The following ZNF793 variants were observed in gnomAD, a reference collection of about 807,000 sequenced individuals.
ZNF793 encodes zinc finger protein 793.
A neutral mutation model predicts 12.4 loss-of-function variants in ZNF793; 5 were observed. That is an observed-to-expected ratio of 0.40 (90% CI 0.21 to 0.84). The LOEUF is 0.84. Ranked by LOEUF, ZNF793 falls within the 40% of genes least tolerant of loss-of-function variation. The pLI is 0.35. For synonymous variants in ZNF793, 162 were observed against 172.4 expected (o/e 0.94, Z 0.47); for missense variants, 456 against 495.0 (o/e 0.92, Z 0.75).
intron 3 of ZNF793, among the ~76,000 whole-genome samples, chr19:37,520,534 C>T (rs934036704): frequency 6.6e-6 from 1 of 152,182 alleles, no homozygotes; most frequent in South Asian, 2.1e-4. Context: ...TTTCCAGGGA[C>T]TCTCCATGGC....
chr19:37,524,122 C>G (rs1010568508), intron 5 of ZNF793, among the ~76,000 whole-genome samples: 1 of 149,978 alleles, frequency 6.7e-6, no homozygotes, highest in African/African-American at 2.5e-5. Flanking sequence ...TGCACTCCAG[C>G]CTGGGCAACA....
At chr19:37,524,992 A>T (rs1221304858) in intron 5 of ZNF793, among the ~76,000 whole-genome samples, 1 of 152,192 alleles carries the variant, frequency 6.6e-6, no homozygotes, top group Non-Finnish European at 1.5e-5. Context: ...CTAGCTCCCC[A>T]ATGATACGAC....
At chr19:37,523,326 T>G in intron 4 of ZNF793, 84 bp from the exon 5 acceptor site, 1 of 1,065,898 alleles carries the variant, frequency 9.4e-7, no homozygotes, top group South Asian at 1.3e-5. Flanking sequence ...AAAGGGAATT[T>G]GCAATTTCCA....
chr19:37,532,909 A>C (rs1055992049), intron 6 of ZNF793, among the ~76,000 whole-genome samples: 1 of 152,194 alleles, frequency 6.6e-6, no homozygotes, highest in African/African-American at 2.4e-5. Context: ...TATGTGCCAG[A>C]AATTGTTTTA....
chr19:37,530,675 A>G (rs183339533), intron 5 of ZNF793, among the ~76,000 whole-genome samples: 3 of 152,338 alleles, frequency 2.0e-5, no homozygotes, highest in Admixed American at 2.0e-4. Context: ...TCAAGGCAGA[A>G]GAATTTTTCT....
rs370750926 is a variant in ZNF793, at chr19:37,512,930, A to AT, written c.-276+4536dup. ...TTTAATTTGGAGTATGTTCTCGGTC[A>AT]TTTTTTTTTACCTCTTTTAACTTTG... On this transcript the variant is annotated intron_variant, in intron 2 of 7. Transcript: ENST00000627814. Among the ~76,000 whole-genome samples the AT allele has an allele frequency of 3.3e-3, 503 of 150,862 alleles. 2 individuals are homozygous for AT. Among genetic ancestry groups the AT allele is most frequent in the African/African-American group, 0.011 (468 of 41,138 alleles).
intron 3 of ZNF793, among the ~76,000 whole-genome samples, chr19:37,521,788 AAAAG>A (rs1266342065): frequency 6.6e-6 from 1 of 152,154 alleles, no homozygotes; most frequent in Non-Finnish European, 1.5e-5. Flanking sequence ...TTTTCCAAAA[AAAAG>A]CAAGAATATT....
intron 1 of ZNF793, among the ~76,000 whole-genome samples, 157 bp from the exon 2 acceptor site, chr19:37,508,106 CTT>C (rs1360110690): frequency 6.6e-6 from 1 of 152,168 alleles, no homozygotes; most frequent in Non-Finnish European, 1.5e-5. Flanking sequence ...TCTGAAAACT[CTT>C]TTTTGAACCC....
chr19:37,512,527 T>C (rs1228085113), intron 2 of ZNF793, among the ~76,000 whole-genome samples: 1 of 151,740 alleles, frequency 6.6e-6, no homozygotes, highest in Non-Finnish European at 1.5e-5. Flanking sequence ...ATAATAATAA[T>C]ACTAACAATA....
chr19:37,509,231 C>T lies in ZNF793; in HGVS notation c.-276+828C>T, dbSNP rs75799969. 3.3e-3 allele frequency among the ~76,000 whole-genome samples: 507 copies of T among 152,258 alleles called. 4 individuals carry two copies. Among genetic ancestry groups the T allele is most frequent in the African/African-American group, 0.011 (467 of 41,554 alleles). ...ATCTGATAATTTCTCATCCCTTACCCGCTTCCTACCCTCCCTCCATTCAGA... is the reference window on the plus strand; with the variant it reads ...ATCTGATAATTTCTCATCCCTTACCTGCTTCCTACCCTCCCTCCATTCAGA... On this transcript the variant is annotated intron_variant, in intron 2 of 7. Transcript: ENST00000627814.
intron 5 of ZNF793, among the ~76,000 whole-genome samples, chr19:37,524,748 C>T: frequency 6.6e-6 from 1 of 152,178 alleles, no homozygotes; most frequent in East Asian, 1.9e-4. Flanking sequence ...GCAGGCTCCG[C>T]CCCTGGCCTG....
chr19:37,537,549 C>A lies in ZNF793; in HGVS notation c.891C>A (p.His297Gln), dbSNP rs1231530287. 1.9e-6 allele frequency: 3 copies of A among 1,614,056 alleles called. No homozygotes were observed. The highest frequency in any genetic ancestry group is 2.5e-6 in the Non-Finnish European group (3 of 1,180,030). ...GGAAAGCCTTTACCCAGAAGTCACA[C>A]CGCACAGAACATCAGAGAACACACA... ...FCGKAFTQKS[H>Q]RTEHQRTHTG... Residue 297 changes from histidine to glutamine, a missense_variant, in exon 8 of 8, where the codon CAC becomes CAA. His to Gln is a conservative substitution (Grantham distance 24, BLOSUM62 0). Coordinates refer to ENST00000627814, the MANE Select transcript of ZNF793 (RefSeq NM_001013659.3).
intron 2 of ZNF793, among the ~76,000 whole-genome samples, chr19:37,512,955 G>C (rs2042305044): frequency 6.6e-6 from 1 of 151,544 alleles, no homozygotes; most frequent in African/African-American, 2.4e-5. Context: ...TTTTAACTTT[G>C]ACATGTATGA....
At chr19:37,507,545 G>A (rs1214069548) in intron 1 of ZNF793, among the ~76,000 whole-genome samples, 1 of 152,196 alleles carries the variant, frequency 6.6e-6, no homozygotes, top group South Asian at 2.1e-4. Flanking sequence ...CGGTGATTGA[G>A]ACTTACTTCA....
intron 5 of ZNF793, among the ~76,000 whole-genome samples, chr19:37,530,022 C>T (rs1040820963): frequency 1.1e-4 from 16 of 151,584 alleles, no homozygotes; most frequent in African/African-American, 3.9e-4. Flanking sequence ...GTGGCAGGGT[C>T]ATAGGATAAT....
chr19:37,529,461 T>C (rs1323602465), intron 5 of ZNF793, among the ~76,000 whole-genome samples: 1 of 152,166 alleles, frequency 6.6e-6, no homozygotes, highest in Non-Finnish European at 1.5e-5. Flanking sequence ...GGCAGCATTT[T>C]TTTTTTTAAT....
In ZNF793 at chr19:37,540,834, A is replaced by C. The variant is rs1313663913; in HGVS notation, c.*2955A>C. 1 of 152,134 alleles carries C rather than the reference A, an allele frequency of 6.6e-6. No individual in the cohort carries two copies. Among genetic ancestry groups the C allele is most frequent in the Non-Finnish European group, 1.5e-5 (1 of 68,012 alleles). The allele number at this position is 152,134 out of a possible 1,614,324, so 9.4% of individuals were successfully genotyped here. ...ATACTGACAAGAAAACATAATTTAT[A>C]TGTACTTCTTTTGGAATTACACTAA... On this transcript the variant is annotated 3_prime_UTR_variant, in exon 8 of 8. Coordinates refer to ENST00000627814, the MANE Select transcript of ZNF793 (RefSeq NM_001013659.3).
intron 2 of ZNF793, among the ~76,000 whole-genome samples, chr19:37,515,631 A>G (rs1032359367): frequency 1.3e-5 from 2 of 152,186 alleles, no homozygotes; most frequent in African/African-American, 4.8e-5. Flanking sequence ...TATTGCAGTC[A>G]GTAATTAAAA....
chr19:37,512,529 C>T (rs1226698398), intron 2 of ZNF793, among the ~76,000 whole-genome samples: 1 of 151,714 alleles, frequency 6.6e-6, no homozygotes, highest in East Asian at 1.9e-4. Context: ...AATAATAATA[C>T]TAACAATAAT....
Sources: gnomAD v4.1 joint callset for allele counts (sites outside exome capture counted in the v4.1 genomes callset) on GRCh38, gnomAD v4.1.1 for gene constraint, MANE v1.5 for transcripts, NCBI Gene and HGNC (gene_info 2026-07-23, HGNC 2026-07-21) for gene names.